Variants in SMG1 observed in about 807,000 individuals in gnomAD.
The protein encoded by SMG1 is SMG1 nonsense mediated mRNA decay associated PI3K related kinase, also known as serine/threonine-protein kinase SMG1.
In SMG1, 22 loss-of-function variants were observed where a neutral mutation model predicts 419.9. The observed-to-expected ratio is 0.05, with a 90% CI of 0.04 to 0.07. The LOEUF (loss-of-function observed/expected upper bound fraction) is 0.07. Among genes scored for constraint, SMG1 ranks in the 10% least tolerant of loss-of-function variants. SMG1 has a pLI of 1.00. For synonymous variants in SMG1, 1,538 were observed against 1,553.5 expected (o/e 0.99, Z 0.23); for missense variants, 3,185 against 4,342.0 (o/e 0.73, Z 7.49).
rs1596517577 is a variant in SMG1 at position 18,849,821 on chromosome 16, G to A, written c.5461+128C>T. 2.4e-5 allele frequency: 21 copies of A among 859,506 alleles called. No individual in the cohort carries two copies. The South Asian group carries it at 3.4e-4, about 14-fold the overall frequency. 53.2% of individuals were successfully genotyped at this position (859,506 alleles called of 1,614,324 possible). A position where few individuals can be genotyped will look rare whatever the true frequency, so the allele number is the denominator to read the frequency against. ...AGTGATGTAACAAGCAGTGCAGGGT[G>A]TCCTAGGAAGTTAATCTGGCTATTC... On this transcript the variant is annotated intron_variant, in intron 35 of 62. Coordinates refer to ENST00000446231, the MANE Select transcript of SMG1 (RefSeq NM_015092.5).
intron 39 of SMG1, among the ~76,000 whole-genome samples, chr16:18,844,004 A>ATT (rs1471068140): frequency 4.0e-5 from 5 of 125,808 alleles, no homozygotes; most frequent in Non-Finnish European, 7.1e-5. Flanking sequence ...ATTTTCTATG[A>ATT]TTATACACAC....
At chr16:18,877,310 A>G in intron 11 of SMG1, 78 bp from the exon 12 acceptor site, 1 of 1,049,868 alleles carries the variant, frequency 9.5e-7, no homozygotes, top group Non-Finnish European at 1.4e-6. Context: ...GCACACTGAT[A>G]AGTGAAAGAA....
intron 33 of SMG1, among the ~76,000 whole-genome samples, chr16:18,851,044 C>T (rs1289056624): frequency 2.6e-5 from 4 of 152,110 alleles, no homozygotes; most frequent in Non-Finnish European, 4.4e-5. Context: ...TGTGAGCCAC[C>T]GCACCCAGCC....
In SMG1 at chr16:18,884,094, C is replaced by T. The variant is rs1183037726; in HGVS notation, c.1095G>A (p.Leu365=). The change falls in exon 9 of 63, where the codon CTG becomes CTA. Residue 365 remains leucine (L), a synonymous_variant. Transcript: ENST00000446231. ...AFSTTLLGQF[L]EDMEAYAEDL... is the part of the protein sequence containing the mutation. ...CCTCAGCATATGCTTCCATGTCTTC[C>T]AGAAACTGACCAAGAAGAGTAGTAG... The T allele has an allele frequency of 5.6e-6, 9 of 1,601,106 alleles. No individual in the cohort carries two copies. Among genetic ancestry groups the T allele is most frequent in the African/African-American group, 4.0e-5 (3 of 74,274 alleles).
intron 4 of SMG1, among the ~76,000 whole-genome samples, chr16:18,891,931 G>A (rs2036899568): frequency 6.6e-6 from 1 of 152,204 alleles, no homozygotes; most frequent in Non-Finnish European, 1.5e-5. Flanking sequence ...GCCAGGTGTA[G>A]TGGAACATGC....
rs916272570 is a variant in SMG1, at chr16:18,834,874, T to C, written c.8330+18A>G. On this transcript the variant is annotated intron_variant, in intron 49 of 62. Transcript: ENST00000446231. ...ATAAGACACAGGAAATGGTCCAATATGAAGTTGGCTAACTTACCTTGTAAG... is the reference window on the plus strand; with the variant it reads ...ATAAGACACAGGAAATGGTCCAATACGAAGTTGGCTAACTTACCTTGTAAG... 3 of 1,607,798 alleles carry C rather than the reference T, an allele frequency of 1.9e-6. No homozygotes were observed. Among genetic ancestry groups the C allele is most frequent in the Non-Finnish European group, 1.7e-6 (2 of 1,175,446 alleles).
At chr16:18,836,624 T>C in intron 46 of SMG1, 92 bp from the exon 47 acceptor site, 1 of 1,319,048 alleles carries the variant, frequency 7.6e-7, no homozygotes, top group Non-Finnish European at 1.0e-6. Flanking sequence ...ACATGGACTG[T>C]CTGGTACGCT....
Position 18,809,578 on chromosome 16 carries a change from G to C in SMG1, c.10977C>G (p.Ala3659=). 6.2e-7 allele frequency: 1 copy of C among 1,610,906 alleles called. No homozygotes were observed. The change falls in exon 63 of 63, where the codon GCC becomes GCG. Residue 3659 remains alanine, a synonymous_variant. Transcript: ENST00000446231. ...NLAQLYEGWT[A]WV ...TCTACTGTCTTGCCATTCACACCCA[G>C]GCTGTCCAACCTTCATACAGCTGAG...
chr16:18,834,465 G>A (rs1317738125), intron 49 of SMG1, 27 bp from the exon 50 acceptor site: 2 of 1,592,590 alleles, frequency 1.3e-6, no homozygotes, highest in Non-Finnish European at 1.7e-6. Context: ...TCTGTACAGT[G>A]AAACTTAAAT....
intron 3 of SMG1, among the ~76,000 whole-genome samples, chr16:18,892,718 G>C (rs1183824407): frequency 2.0e-5 from 3 of 152,128 alleles, no homozygotes; most frequent in African/African-American, 2.4e-5. Flanking sequence ...GGGTGACAGA[G>C]CAAGACCCTC....
rs758438212 is a variant in SMG1 at position 18,838,331 on chromosome 16, A to G, written c.7194+26T>C. Reference sequence around the variant, plus strand: ...GTTTTGCTCATTTAACAAATACACTAAAAGGGAGAAGAGAAAACAGCATAC... The same window carrying G: ...GTTTTGCTCATTTAACAAATACACTGAAAGGGAGAAGAGAAAACAGCATAC... On this transcript the variant is annotated intron_variant, in intron 44 of 62. Transcript: ENST00000446231. 14 of 1,604,366 alleles carry G rather than the reference A, an allele frequency of 8.7e-6. No homozygotes were observed. In the Admixed American group the frequency reaches 1.2e-4, roughly 14 times the overall value.
intron 59 of SMG1, 35 bp from the exon 60 acceptor site, chr16:18,815,316 T>C: frequency 6.5e-7 from 1 of 1,538,100 alleles, no homozygotes; most frequent in South Asian, 1.2e-5. Context: ...ATTTACGAAA[T>C]GTTTTACCTG....
At position 18,853,684 on chromosome 16, in the gene SMG1, G is replaced by T; in HGVS notation, c.4667C>A (p.Thr1556Lys). The T allele has an allele frequency of 6.2e-7, 1 of 1,613,682 alleles. No homozygotes were observed. The highest frequency in any genetic ancestry group is 8.5e-7 in the Non-Finnish European group (1 of 1,179,728). The part of the protein sequence containing the change: ...VYRAQHQQNF[T>K]GLSTLSKNIL... ...GTTTTTAGACAAAGTAGAAAGACCT[G>T]TGAAGTTCTGTTGGTGCTGAGCTCT... is the stretch of plus-strand genomic sequence containing the variant. Residue 1556 changes from threonine to lysine, a missense_variant, in exon 31 of 63, where the codon ACA becomes AAA. By Grantham distance (78) the Thr-to-Lys change is moderately conservative. Around this residue, in one of 27 missense-constraint regions of SMG1, gnomAD observed 493 missense variants for 552.9 expected, o/e 0.89. Coordinates refer to ENST00000446231, the MANE Select transcript of SMG1 (RefSeq NM_015092.5).
intron 39 of SMG1, 99 bp from the exon 40 acceptor site, chr16:18,842,553 G>A (rs2641810): frequency 0.069 from 84,152 of 1,211,954 alleles, 3,406 homozygotes; most frequent in African/African-American, 0.16. Flanking sequence ...AGGTCACGGC[G>A]GCAGCTCATG....
At chr16:18,917,821 C>T (rs2038036473) in intron 1 of SMG1, among the ~76,000 whole-genome samples, 1 of 151,696 alleles carries the variant, frequency 6.6e-6, no homozygotes, top group Non-Finnish European at 1.5e-5. Context: ...AGGAGATCCA[C>T]CCACTTCAGC....
At chr16:18,809,835 T>G (rs1051662948) in intron 62 of SMG1, among the ~76,000 whole-genome samples, 189 bp from the exon 63 acceptor site, 11 of 152,078 alleles carry the variant, frequency 7.2e-5, no homozygotes, top group African/African-American at 2.4e-4. Flanking sequence ...AATAACCAAG[T>G]ATACTTTAAA....
chr16:18,873,084 G>A (rs1481430334), intron 13 of SMG1, among the ~76,000 whole-genome samples: 1 of 151,796 alleles, frequency 6.6e-6, no homozygotes, highest in Admixed American at 6.6e-5. Flanking sequence ...AACCTGGGAG[G>A]CAGAGGTTGC....
rs1238777919 is a variant in SMG1, at chr16:18,869,990, T to C, written c.2497A>G (p.Asn833Asp). ...SIPLDVVLSN[N>D]NHTEIQEISL... ...ATTTCTTGAATTTCTGTGTGATTGT[T>C]ATTGCTGTAGACAGAAAATAAAGTT... The change falls in exon 19 of 63, where the codon AAC (asparagine) becomes GAC (aspartate). Residue 833 changes from asparagine to aspartate, a missense_variant. Transcript: ENST00000446231. The C allele has an allele frequency of 1.9e-6, 3 of 1,538,708 alleles. No individual in the cohort carries two copies. Among genetic ancestry groups the C allele is most frequent in the Non-Finnish European group, 2.6e-6 (3 of 1,146,242 alleles).
At position 18,885,555 on chromosome 16, in the gene SMG1, T is replaced by C; in HGVS notation, c.934A>G (p.Ser312Gly). 1 of 1,596,114 alleles carries C rather than the reference T, an allele frequency of 6.3e-7. No individual in the cohort carries two copies. The highest frequency in any genetic ancestry group is 8.5e-7 in the Non-Finnish European group (1 of 1,179,574). ...GAGGAACTCACCCTAAAATTAGTGC[T>C]GAAAATATGAGGGTAACATCGAGCC... is the stretch of plus-strand genomic sequence containing the variant. ...LVARCYPHIF[S>G]TNFRDTVDIL... The change falls in exon 7 of 63, where the codon AGC becomes GGC. Residue 312 changes from serine (S) to glycine (G), a missense_variant. Ser to Gly is a moderately conservative substitution (Grantham distance 56). This residue lies in a region of SMG1 where 27 missense variants were observed against 59.4 expected (regional missense o/e 0.45). Coordinates refer to ENST00000446231, the MANE Select transcript of SMG1 (RefSeq NM_015092.5).
Sources: allele counts gnomAD v4.1 joint callset (sites outside exome capture counted in the v4.1 genomes callset), GRCh38; gene constraint gnomAD v4.1.1; regional missense constraint gnomAD v4.1.1; transcripts MANE v1.5; gene names NCBI Gene and HGNC (gene_info 2026-07-23, HGNC 2026-07-21).